ZNF84: variants seen among roughly 807,000 people sequenced by gnomAD.
ZNF84 encodes zinc finger protein HPF2.
A neutral mutation model predicts 14.8 loss-of-function variants in ZNF84; 12 were observed. The observed-to-expected ratio is 0.81, with a 90% confidence interval of 0.52 to 1.31. The LOEUF (loss-of-function observed/expected upper bound fraction) is 1.31. Among genes scored for constraint, ZNF84 ranks in the 50% most tolerant of loss-of-function variants. The probability of loss-of-function intolerance (pLI) is 0.00; values close to 1 mark genes in which losing one functional copy is unlikely to be tolerated. For synonymous variants in ZNF84, 347 were observed against 291.1 expected, an observed-to-expected ratio of 1.19 and a Z score of -1.96; for missense variants, 859 against 878.6, an observed-to-expected ratio of 0.98 and a Z score of 0.28.
Position 133,062,772 on chromosome 12 carries a change from A to G in ZNF84, c.*3840A>G, listed in dbSNP as rs113938882. 2.7e-3 allele frequency: 886 copies of G among 334,236 alleles called. 7 individuals are homozygous for G. The highest frequency in any genetic ancestry group is 4.1e-3 in the Non-Finnish European group (733 of 180,632). 20.7% of individuals were successfully genotyped at this position (334,236 alleles called of 1,614,324 possible). On this transcript the variant is annotated 3_prime_UTR_variant, in exon 5 of 5. Coordinates refer to ENST00000539354, the MANE Select transcript of ZNF84 (RefSeq NM_001289971.2). ...TATGTAAGGACTTTTGTATAAACCA[A>G]TGCCTATCTATCTATCATTTCTGAA...
chr12:133,037,596 G>C (rs1160036815), intron 1 of ZNF84, 51 bp downstream of exon 1: 1 of 152,240 alleles, frequency 6.6e-6, no homozygotes, highest in Admixed American at 6.6e-5. Context: ...TCCGGGAATG[G>C]CGGGGGAGGC....
rs1954230432 is a variant in ZNF84 at position 133,059,958 on chromosome 12, AAAAT to A, written c.*1032_*1035del. 1 of 152,242 alleles carries A rather than the reference AAAAT, an allele frequency of 6.6e-6. No homozygotes were observed. The highest frequency in any genetic ancestry group is 1.5e-5 in the Non-Finnish European group (1 of 68,042). The allele number at this position is 152,242 out of a possible 1,614,324, so 9.4% of individuals were successfully genotyped here. On this transcript the variant is annotated 3_prime_UTR_variant, in exon 5 of 5. Transcript: ENST00000539354. ...TCAGAGTCTGAGTAACAGTTTATAT[AAAAT>A]AAATATGCAAAGGCAGGAACCACAG...
Position 133,041,596 on chromosome 12 carries a change from G to A in ZNF84, c.15+114G>A, listed in dbSNP as rs1953890736. ...AAGAAATCAGAGGAAAATAGCCTCA[G>A]ATGATCAGGATTGGAACAAAATTGG... is the stretch of plus-strand genomic sequence containing the variant. On this transcript the variant is annotated intron_variant, in intron 2 of 4. Transcript: ENST00000539354. 8.2e-6 allele frequency: 9 copies of A among 1,104,228 alleles called. No individual in the cohort carries two copies. The South Asian group carries it at 1.1e-4, about 14-fold the overall frequency. The allele number at this position is 1,104,228 out of a possible 1,614,324, so 68.4% of individuals were successfully genotyped here.
At chr12:133,042,682 G>A (rs1369779806) in intron 2 of ZNF84, among the ~76,000 whole-genome samples, 1 of 152,190 alleles carries the variant, frequency 6.6e-6, no homozygotes, top group South Asian at 2.1e-4. Flanking sequence ...TGAACCTTAC[G>A]GCATTTTTCA....
rs1050130927 is a variant in ZNF84, at chr12:133,063,181, C to T, written c.*4249C>T. ...TCAAGAAAGAGTCCCGATTGTGTTC[C>T]AGTACCTGGTTCTTCTGGTCTTCAT... On this transcript the variant is annotated 3_prime_UTR_variant, in exon 5 of 5. Coordinates refer to ENST00000539354, the MANE Select transcript of ZNF84 (RefSeq NM_001289971.2). 7.1e-6 allele frequency: 5 copies of T among 702,328 alleles called. No homozygotes were observed. The highest frequency in any genetic ancestry group is 5.2e-6 in the Non-Finnish European group (2 of 384,828). 43.5% of individuals were successfully genotyped at this position (702,328 alleles called of 1,614,324 possible).
Position 133,058,336 on chromosome 12 carries a change from A to G in ZNF84, c.1621A>G (p.Lys541Glu), listed in dbSNP as rs1344250226. Residue 541 changes from lysine (K) to glutamate (E), a missense_variant, in exon 5 of 5, where the codon AAA becomes GAA. Physicochemically the swap from Lys to Glu is moderately conservative, Grantham distance 56. Transcript: ENST00000539354. Reference protein sequence around the residue: ...ISHQRTHTGEKPYECSECGKA... With the variant: ...ISHQRTHTGEEPYECSECGKA... ...ACATCAGAGGACACATACAGGGGAG[A>G]AACCCTATGAATGCAGTGAATGTGG... The G allele has an allele frequency of 6.2e-7, 1 of 1,614,084 alleles. No individual in the cohort carries two copies. The highest frequency in any genetic ancestry group is 1.3e-5 in the African/African-American group (1 of 75,044).
At chr12:133,056,250 TA>T (rs1954156143) in intron 4 of ZNF84, among the ~76,000 whole-genome samples, 2 of 152,080 alleles carry the variant, frequency 1.3e-5, no homozygotes, top group African/African-American at 4.8e-5. Flanking sequence ...CTTATTTTTT[TA>T]TTTTTTATTT....
chr12:133,039,535 T>A (rs977977601), intron 1 of ZNF84, among the ~76,000 whole-genome samples: 17 of 152,358 alleles, frequency 1.1e-4, no homozygotes, highest in Middle Eastern at 3.4e-3. Context: ...CCCAGTTTTC[T>A]CTCTGTAAAA....
At position 133,057,300 on chromosome 12, in the gene ZNF84, C is replaced by T; in HGVS notation, c.585C>T (p.Ile195=). ...AGAGCTATAAAAAGTCACAGATTAT[C>T]ATATATCATAGAAATCGTTTAGGGG... The part of the protein sequence containing the change: ...YKESYKKSQI[I]IYHRNRLGEK... Residue 195 remains isoleucine (I), a synonymous_variant, in exon 5 of 5, where the codon ATC becomes ATT. Transcript: ENST00000539354. 6.2e-7 allele frequency: 1 copy of T among 1,613,368 alleles called. No homozygotes were observed. The highest frequency in any genetic ancestry group is 8.5e-7 in the Non-Finnish European group (1 of 1,179,858).
intron 4 of ZNF84, among the ~76,000 whole-genome samples, chr12:133,050,791 G>A (rs1055079084): frequency 2.6e-5 from 4 of 152,078 alleles, no homozygotes; most frequent in Admixed American, 6.6e-5. Flanking sequence ...TGACCTGATC[G>A]TAGTATATAT....
intron 4 of ZNF84, among the ~76,000 whole-genome samples, chr12:133,052,924 C>T (rs1460023870): frequency 2.0e-5 from 3 of 152,098 alleles, no homozygotes; most frequent in Non-Finnish European, 4.4e-5. Context: ...CTTTTAGAAA[C>T]GGAATGGAAG....
Position 133,059,802 on chromosome 12 carries a change from G to A in ZNF84, c.*870G>A, listed in dbSNP as rs1458343049. The A allele has an allele frequency of 3.9e-5, 6 of 152,118 alleles. No individual in the cohort carries two copies. Among genetic ancestry groups the A allele is most frequent in the African/African-American group, 1.4e-4 (6 of 41,436 alleles). 9.4% of individuals were successfully genotyped at this position (152,118 alleles called of 1,614,324 possible). A position where few individuals can be genotyped will look rare whatever the true frequency, so the allele number is the denominator to read the frequency against. On this transcript the variant is annotated 3_prime_UTR_variant, in exon 5 of 5. Coordinates refer to ENST00000539354, the MANE Select transcript of ZNF84 (RefSeq NM_001289971.2). ...TAAAAAATGGAAACTCATGTAACAT[G>A]ACTACATGAATAAGTACCTTAAGTG... is the stretch of plus-strand genomic sequence containing the variant.
chr12:133,062,807 C>T lies in ZNF84; in HGVS notation c.*3875C>T, dbSNP rs1954286611. 5.1e-6 allele frequency: 2 copies of T among 391,744 alleles called. No individual in the cohort carries two copies. The highest frequency in any genetic ancestry group is 9.2e-6 in the Non-Finnish European group (2 of 217,050). 24.3% of individuals were successfully genotyped at this position (391,744 alleles called of 1,614,324 possible). A position where few individuals can be genotyped will look rare whatever the true frequency, so the allele number is the denominator to read the frequency against. On this transcript the variant is annotated 3_prime_UTR_variant, in exon 5 of 5. Coordinates refer to ENST00000539354, the MANE Select transcript of ZNF84 (RefSeq NM_001289971.2). The stretch of plus-strand genomic sequence containing the variant: ...ATCTATCATTTCTGAAAACTTTTTC[C>T]TCCTATGCAATATTTTCTGGCCTCT...
At chr12:133,050,347 G>A (rs751204345) in intron 4 of ZNF84, among the ~76,000 whole-genome samples, 1 of 152,206 alleles carries the variant, frequency 6.6e-6, no homozygotes, top group South Asian at 2.1e-4. Flanking sequence ...CCGGAGGTTT[G>A]CTCTGCCATA....
At position 133,057,145 on chromosome 12, in the gene ZNF84, C is replaced by G; in HGVS notation, c.430C>G (p.Leu144Val). The change falls in exon 5 of 5, where the codon CTT becomes GTT. Residue 144 changes from leucine to valine, a missense_variant. By Grantham distance (32) the Leu-to-Val change is conservative. Coordinates refer to ENST00000539354, the MANE Select transcript of ZNF84 (RefSeq NM_001289971.2). The stretch of plus-strand genomic sequence containing the variant: ...GATTTTAAAACATCATTTAGATTTG[C>G]TTATTCCAAAAGGAGATTATGGAAA... The part of the protein sequence containing the change: ...GLILKHHLDL[L>V]IPKGDYGKAE... The G allele has an allele frequency of 6.2e-7, 1 of 1,611,102 alleles. No individual in the cohort carries two copies. The highest frequency in any genetic ancestry group is 8.5e-7 in the Non-Finnish European group (1 of 1,179,288).
intron 2 of ZNF84, among the ~76,000 whole-genome samples, chr12:133,046,655 T>A (rs1953984252): frequency 6.6e-6 from 1 of 150,636 alleles, no homozygotes; most frequent in African/African-American, 2.4e-5. Flanking sequence ...TCCTTCTTGG[T>A]ATTTTAGTGT....
chr12:133,052,538 T>G (rs1455914264), intron 4 of ZNF84, among the ~76,000 whole-genome samples: 2 of 152,172 alleles, frequency 1.3e-5, no homozygotes, highest in African/African-American at 4.8e-5. Flanking sequence ...TTTCACTGTG[T>G]GGTCCAGGCT....
chr12:133,050,382 C>T (rs1713487919), intron 4 of ZNF84: 3 of 397,470 alleles, frequency 7.5e-6, no homozygotes, highest in Non-Finnish European at 1.3e-5. Flanking sequence ...TGTCCAGGGT[C>T]CCTGCATACA....
intron 2 of ZNF84, among the ~76,000 whole-genome samples, chr12:133,042,087 GA>G (rs1953898079): frequency 6.6e-6 from 1 of 152,178 alleles, no homozygotes; most frequent in African/African-American, 2.4e-5. Flanking sequence ...TGGTCCAGCA[GA>G]TCCATGCTGT....
Sources: allele counts gnomAD v4.1 joint callset (sites outside exome capture counted in the v4.1 genomes callset), GRCh38; gene constraint gnomAD v4.1.1; transcripts MANE v1.5; gene names NCBI Gene and HGNC (gene_info 2026-07-23, HGNC 2026-07-21).